Variants in IGSF9B observed in about 807,000 individuals in gnomAD.
The protein encoded by IGSF9B is immunoglobulin superfamily member 9B.
In IGSF9B, 48 loss-of-function variants were observed where a neutral mutation model predicts 143.7. That is an observed-to-expected ratio of 0.33 (90% CI 0.26 to 0.42). The LOEUF (loss-of-function observed/expected upper bound fraction) is 0.42. Among genes scored for constraint, IGSF9B ranks in the 20% least tolerant of loss-of-function variants. The probability of loss-of-function intolerance (pLI) is 1.00; values close to 1 mark genes in which losing one functional copy is unlikely to be tolerated. For synonymous variants in IGSF9B, 903 were observed against 833.1 expected, an observed-to-expected ratio of 1.08 and a Z score of -1.44; for missense variants, 1,706 against 1,980.0, an observed-to-expected ratio of 0.86 and a Z score of 2.63.
Position 133,901,299 on chromosome 11 carries a change from C to T in IGSF9B, c.*7770G>A, listed in dbSNP as rs1221792609. On this transcript the variant is annotated 3_prime_UTR_variant, in exon 20 of 20. Coordinates refer to ENST00000533871, the MANE Select transcript of IGSF9B (RefSeq NM_001277285.4). The stretch of plus-strand genomic sequence containing the variant: ...GGAAGAGCAGGGAAGGAGGTGGCGT[C>T]AAGGCATGAGCTAGTATCCCAGACT... The T allele has an allele frequency of 6.6e-6, 1 of 152,220 alleles. No individual in the cohort carries two copies. The highest frequency in any genetic ancestry group is 1.5e-5 in the Non-Finnish European group (1 of 68,050). The allele number at this position is 152,220 out of a possible 1,614,324, so 9.4% of individuals were successfully genotyped here. A position where few individuals can be genotyped will look rare whatever the true frequency, so the allele number is the denominator to read the frequency against.
chr11:133,915,933 T>C (rs1005942201), intron 18 of IGSF9B, among the ~76,000 whole-genome samples: 1 of 151,038 alleles, frequency 6.6e-6, no homozygotes, highest in African/African-American at 2.4e-5. Context: ...AGTCTGCAGG[T>C]CTGAGCCCAC....
Position 133,948,617 on chromosome 11 carries a change from CTGTGTGTGTGTGTGTGTG to C in IGSF9B, c.65-2377_65-2360del, listed in dbSNP as rs59414581. ...TGGGTGCCATGAGTTTGCAGAGAAG[CTGTGTGTGTGTGTGTGTG>C]TGTGTGTGTGTGTGTGTGTGTGTGT... On this transcript the variant is annotated intron_variant, in intron 1 of 19. Coordinates refer to ENST00000533871, the MANE Select transcript of IGSF9B (RefSeq NM_001277285.4). This position sits in a 1 kb window ranked among gnomAD's most constrained non-coding sequence, Gnocchi z 4.7. Among the ~76,000 whole-genome samples, 44 of 141,000 alleles carry C rather than the reference CTGTGTGTGTGTGTGTGTG, an allele frequency of 3.1e-4. No homozygotes were observed. The highest frequency in any genetic ancestry group is 9.1e-4 in the Admixed American group (13 of 14,356). 92.5% of individuals were successfully genotyped at this position (141,000 alleles called of 152,430 possible).
chr11:133,923,378 C>G (rs2121296835), intron 15 of IGSF9B, among the ~76,000 whole-genome samples: 1 of 152,336 alleles, frequency 6.6e-6, no homozygotes, highest in South Asian at 2.1e-4. Flanking sequence ...CTGGTCATCT[C>G]AGGTACGGAA....
intron 13 of IGSF9B, among the ~76,000 whole-genome samples, chr11:133,926,387 C>T (rs923194794): frequency 6.6e-6 from 1 of 152,196 alleles, no homozygotes; most frequent in African/African-American, 2.4e-5. Context: ...GGAGCGGATT[C>T]TGGGAAAGGG....
intron 3 of IGSF9B, among the ~76,000 whole-genome samples, chr11:133,943,048 C>G (rs765563235): frequency 1.3e-5 from 2 of 152,136 alleles, no homozygotes; most frequent in Non-Finnish European, 1.5e-5. Context: ...GCCCAGCCCC[C>G]CCAGGCAGGG....
chr11:133,920,449 C>A lies in IGSF9B; in HGVS notation c.3276G>T (p.Pro1092=), dbSNP rs748370176. The stretch of plus-strand genomic sequence containing the variant: ...TCGGTGCCTCCAGAGACAGGATGCC[C>A]GGGTAGGCCGCGGGCACCTGCAGGG... The part of the protein sequence containing the change: ...PTSLQVPAAY[P]GILSLEAPKG... Residue 1092 remains proline (P), a synonymous_variant, in exon 18 of 20, where the codon CCG becomes CCT. Transcript: ENST00000533871. 3 of 1,567,316 alleles carry A rather than the reference C, an allele frequency of 1.9e-6. No individual in the cohort carries two copies. The highest frequency in any genetic ancestry group is 1.8e-5 in the Admixed American group (1 of 54,550).
chr11:133,951,466 C>T (rs1294701753), intron 1 of IGSF9B, among the ~76,000 whole-genome samples: 1 of 152,246 alleles, frequency 6.6e-6, no homozygotes, highest in Non-Finnish European at 1.5e-5. Context: ...TCAGCAGGCT[C>T]CTTCCTTCTG....
Position 133,920,852 on chromosome 11 carries a change from G to A in IGSF9B, c.2873C>T (p.Pro958Leu), listed in dbSNP as rs1939517568. 1 of 1,601,732 alleles carries A rather than the reference G, an allele frequency of 6.2e-7. No individual in the cohort carries two copies. The highest frequency in any genetic ancestry group is 1.1e-5 in the South Asian group (1 of 90,136). ...QATGQARPPA[P>L]RPFHHGQYYG... Reference sequence around the variant, plus strand: ...ATACTGGCCATGGTGGAAGGGCCGGGGGGCAGGGGGCCGGGCCTGGCCTGT... The same window carrying A: ...ATACTGGCCATGGTGGAAGGGCCGGAGGGCAGGGGGCCGGGCCTGGCCTGT... The change falls in exon 18 of 20, where the codon CCC becomes CTC. Residue 958 changes from proline to leucine, a missense_variant. Physicochemically the swap from Pro to Leu is moderately conservative, Grantham distance 98 (BLOSUM62 -3). Coordinates refer to ENST00000533871, the MANE Select transcript of IGSF9B (RefSeq NM_001277285.4).
chr11:133,946,409 C>T, intron 1 of IGSF9B, 151 bp from the exon 2 acceptor site: 1 of 641,572 alleles, frequency 1.6e-6, no homozygotes, highest in Non-Finnish European at 2.7e-6. Flanking sequence ...CAGGCACACC[C>T]TCCATCCCTC....
chr11:133,929,608 G>T, intron 12 of IGSF9B, 63 bp downstream of exon 12: 1 of 1,246,650 alleles, frequency 8.0e-7, no homozygotes, highest in Non-Finnish European at 1.2e-6. Flanking sequence ...TAGCCTGCAG[G>T]AAGACCGGGG....
At chr11:133,921,441 T>C in intron 17 of IGSF9B, 44 bp from the exon 18 acceptor site, 2 of 1,399,332 alleles carry the variant, frequency 1.4e-6, no homozygotes, top group Admixed American at 2.8e-5. Flanking sequence ...GGTGGGGCAG[T>C]GTGCTGGCCA....
Position 133,919,922 on chromosome 11 carries a change from C to A in IGSF9B, c.3803G>T (p.Ser1268Ile). The A allele has an allele frequency of 6.4e-7, 1 of 1,561,670 alleles. No individual in the cohort carries two copies. The highest frequency in any genetic ancestry group is 8.7e-7 in the Non-Finnish European group (1 of 1,152,518). Reference sequence around the variant, plus strand: ...GGTGAAGCCCATGGCGGGCCGGTAGCTGGGACTCCCACTGCGGCTGCTCTG... The same window carrying A: ...GGTGAAGCCCATGGCGGGCCGGTAGATGGGACTCCCACTGCGGCTGCTCTG... ...PSQSSRSGSP[S>I]YRPAMGFTTL... Residue 1268 changes from serine to isoleucine, a missense_variant, in exon 18 of 20, where the codon AGC becomes ATC. Coordinates refer to ENST00000533871, the MANE Select transcript of IGSF9B (RefSeq NM_001277285.4).
Position 133,948,342 on chromosome 11 carries a change from C to G in IGSF9B, c.65-2084G>C, listed in dbSNP as rs932599001. 6.6e-6 allele frequency among the ~76,000 whole-genome samples: 1 copy of G among 152,124 alleles called. No individual in the cohort carries two copies. The highest frequency in any genetic ancestry group is 6.6e-5 in the Admixed American group (1 of 15,262). On this transcript the variant is annotated intron_variant, in intron 1 of 19. Transcript: ENST00000533871. This position sits in a 1 kb window ranked among gnomAD's most constrained non-coding sequence, Gnocchi z 4.7. The stretch of plus-strand genomic sequence containing the variant: ...TTTTCTAGAGAAAGAGCTAAGATCA[C>G]AGAGTATTTTTGGAGCAGAGCAGAG...
chr11:133,936,163 G>A lies in IGSF9B; in HGVS notation c.711C>T (p.Asn237=). 2 of 1,612,034 alleles carry A rather than the reference G, an allele frequency of 1.2e-6. No individual in the cohort carries two copies. The highest frequency in any genetic ancestry group is 2.2e-5 in the East Asian group (1 of 44,832). Residue 237 remains asparagine (N), a synonymous_variant, in exon 6 of 20, where the codon AAC becomes AAT. Coordinates refer to ENST00000533871, the MANE Select transcript of IGSF9B (RefSeq NM_001277285.4). Reference sequence around the variant, plus strand: ...CATCCTGGGAGATGTTGACGGTGATGTTCTCAGGAGGGGAGACGATGAAAG... The same window carrying A: ...CATCCTGGGAGATGTTGACGGTGATATTCTCAGGAGGGGAGACGATGAAAG... ...GPPFIVSPPE[N]ITVNISQDAL...
At chr11:133,956,484 C>G (rs1940256018) in intron 1 of IGSF9B, among the ~76,000 whole-genome samples, 1 of 151,354 alleles carries the variant, frequency 6.6e-6, no homozygotes, top group African/African-American at 2.4e-5. Context: ...CCCTTCCCGC[C>G]CGCCCCTCCA....
chr11:133,920,650 C>A lies in IGSF9B; in HGVS notation c.3075G>T (p.Leu1025=). 1 of 1,613,524 alleles carries A rather than the reference C, an allele frequency of 6.2e-7. No individual in the cohort carries two copies. The highest frequency in any genetic ancestry group is 8.5e-7 in the Non-Finnish European group (1 of 1,179,832). ...CTCCTGTAGGTGTCTGAGTCAAGGG[C>A]AGCGTGCTGTTGGATGCATTCTCTC... is the stretch of plus-strand genomic sequence containing the variant. ...ENGENASNST[L]PLTQTPTGGR... The change falls in exon 18 of 20, where the codon CTG becomes CTT. Residue 1025 remains leucine (L), a synonymous_variant. Transcript: ENST00000533871.
intron 15 of IGSF9B, among the ~76,000 whole-genome samples, 174 bp downstream of exon 15, chr11:133,924,646 A>C (rs959711175): frequency 2.0e-5 from 3 of 152,186 alleles, no homozygotes; most frequent in African/African-American, 7.2e-5. Flanking sequence ...TGCATCATGG[A>C]AATATGGGTC....
At position 133,920,109 on chromosome 11, in the gene IGSF9B, G is replaced by C; in HGVS notation, c.3616C>G (p.Gln1206Glu). Residue 1206 changes from glutamine to glutamate, a missense_variant, in exon 18 of 20, where the codon CAA (glutamine) becomes GAA (glutamate). Gln to Glu is a conservative substitution (Grantham distance 29). Coordinates refer to ENST00000533871, the MANE Select transcript of IGSF9B (RefSeq NM_001277285.4). ...LQPSRLSPLT[Q>E]SPLSSRTGSP... ...CCGGTGCGGGAGCTGAGGGGGCTTT[G>C]GGTCAGAGGTGAGAGCCGGGAGGGC... 1 of 1,515,400 alleles carries C rather than the reference G, an allele frequency of 6.6e-7. No homozygotes were observed. 93.9% of individuals were successfully genotyped at this position (1,515,400 alleles called of 1,614,324 possible).
At chr11:133,934,370 G>T (rs1353873809) in intron 7 of IGSF9B, among the ~76,000 whole-genome samples, 1 of 152,216 alleles carries the variant, frequency 6.6e-6, no homozygotes, top group Admixed American at 6.5e-5. Context: ...TGGTGGACGG[G>T]TCTCTCCTTC....
Sources: allele counts gnomAD v4.1 joint callset (sites outside exome capture counted in the v4.1 genomes callset), GRCh38; gene constraint gnomAD v4.1.1; non-coding constraint Gnocchi (gnomAD v3.1); transcripts MANE v1.5; gene names NCBI Gene and HGNC (gene_info 2026-07-23, HGNC 2026-07-21).